SAXO1: variants seen among roughly 807,000 people sequenced by gnomAD.
SAXO1 encodes stabilizer of axonemal microtubules 1, also known as 4930500O09Rik.
Under a neutral mutation model 17.5 loss-of-function variants are expected in SAXO1, and 21 were observed. That is an observed-to-expected ratio of 1.20 (90% CI 0.85 to 1.72). SAXO1 has a LOEUF of 1.72. SAXO1 is among the 40% of genes most tolerant of loss of function. The pLI, the probability that SAXO1 is intolerant of heterozygous loss-of-function variation, is 0.00. For synonymous variants in SAXO1, 274 were observed against 216.5 expected (o/e 1.27, Z -2.33); for missense variants, 843 against 596.0 (o/e 1.41, Z -4.32).
chr9:19,003,700 G>A (rs1463187383), intron 1 of SAXO1, among the ~76,000 whole-genome samples: 1 of 152,144 alleles, frequency 6.6e-6, no homozygotes, highest in Non-Finnish European at 1.5e-5. Flanking sequence ...TATGTAGAAA[G>A]CTAAAACTGG....
At chr9:19,048,533 G>C (rs1031623631) in intron 1 of SAXO1, among the ~76,000 whole-genome samples, 3 of 152,130 alleles carry the variant, frequency 2.0e-5, no homozygotes. Context: ...CTGTATGAAC[G>C]ATACTGGCGA....
chr9:19,026,982 C>T lies in SAXO1; in HGVS notation c.38+5889G>A. ...GGAGGAGATCATCCAGCGCACATGG[C>T]TTCTGGACAGTGAGATCAAGATCAT... On this transcript the variant is annotated intron_variant, in intron 1 of 3. Transcript: ENST00000380534. 3 of 908,826 alleles carry T rather than the reference C, an allele frequency of 3.3e-6. No individual in the cohort carries two copies. The South Asian group carries it at 3.9e-5, about 12-fold the overall frequency. The allele number at this position is 908,826 out of a possible 1,614,324, so 56.3% of individuals were successfully genotyped here. A position where few individuals can be genotyped will look rare whatever the true frequency, so the allele number is the denominator to read the frequency against.
At chr9:18,957,571 G>A (rs1426118728) in intron 1 of SAXO1, among the ~76,000 whole-genome samples, 2 of 152,176 alleles carry the variant, frequency 1.3e-5, no homozygotes, top group Admixed American at 1.3e-4. Context: ...CACAGCTGCT[G>A]TTCAAGGGAG....
intron 1 of SAXO1, among the ~76,000 whole-genome samples, chr9:19,021,238 T>G (rs1364273005): frequency 6.6e-6 from 1 of 152,016 alleles, no homozygotes; most frequent in Admixed American, 6.5e-5. Context: ...TTCTCTGAAA[T>G]GAGAAGTGGT....
At chr9:19,011,885 C>T (rs1352236352) in intron 1 of SAXO1, among the ~76,000 whole-genome samples, 2 of 133,968 alleles carry the variant, frequency 1.5e-5, no homozygotes, top group African/African-American at 2.7e-5. Flanking sequence ...CTCATTCTGT[C>T]GCCAGGCTAG....
chr9:18,961,808 G>A lies in SAXO1; in HGVS notation c.39-10871C>T, dbSNP rs577745889. ...TGCTTCAATAAACATACGTGTGCATGTGTCTTTATAGTAGAATGATGTACC... is the reference window on the plus strand; with the variant it reads ...TGCTTCAATAAACATACGTGTGCATATGTCTTTATAGTAGAATGATGTACC... On this transcript the variant is annotated intron_variant, in intron 1 of 3. Transcript: ENST00000380534. Among the ~76,000 whole-genome samples the A allele has an allele frequency of 6.6e-4, 100 of 152,264 alleles. 1 individual carries two copies. The South Asian group carries it at 0.014, about 21-fold the overall frequency.
intron 1 of SAXO1, among the ~76,000 whole-genome samples, chr9:19,008,049 C>G (rs1246043846): frequency 6.6e-6 from 1 of 151,672 alleles, no homozygotes; most frequent in Non-Finnish European, 1.5e-5. Context: ...CTCACTGTAG[C>G]ATTGACCTCC....
intron 3 of SAXO1, among the ~76,000 whole-genome samples, chr9:18,935,642 G>A (rs937694508): frequency 1.3e-5 from 2 of 152,110 alleles, no homozygotes; most frequent in African/African-American, 4.8e-5. Context: ...GAATACATAT[G>A]AGCTTATCAA....
At chr9:19,017,910 G>C (rs577347546) in intron 1 of SAXO1, among the ~76,000 whole-genome samples, 34 of 152,340 alleles carry the variant, frequency 2.2e-4, no homozygotes, top group South Asian at 1.7e-3. Flanking sequence ...GCTCACGCTT[G>C]TAATCCCAAC....
At chr9:18,944,617 G>T (rs193070014) in intron 2 of SAXO1, among the ~76,000 whole-genome samples, 142 of 152,326 alleles carry the variant, frequency 9.3e-4, no homozygotes, top group Admixed American at 1.8e-3. Context: ...AGCTATAAAA[G>T]TTATAGAGTA....
At position 19,028,047 on chromosome 9, in the gene SAXO1, T is replaced by C; in HGVS notation, c.38+4824A>G. The C allele has an allele frequency of 3.7e-6, 6 of 1,605,242 alleles. No homozygotes were observed. In the South Asian group the frequency reaches 6.7e-5, roughly 18 times the overall value. On this transcript the variant is annotated intron_variant, in intron 1 of 3. Coordinates refer to ENST00000380534, the MANE Select transcript of SAXO1 (RefSeq NM_153707.4). The stretch of plus-strand genomic sequence containing the variant: ...CGGGTATGATCGCACTGCGCAGGGG[T>C]GCCACGGAGCTCACCCACGAGGACT...
intron 1 of SAXO1, among the ~76,000 whole-genome samples, chr9:19,003,356 C>T (rs1325045511): frequency 2.0e-5 from 3 of 152,182 alleles, no homozygotes; most frequent in Non-Finnish European, 4.4e-5. Flanking sequence ...CCCCATCAAG[C>T]TACCATTGAC....
chr9:18,949,473 T>G (rs918916906), intron 2 of SAXO1, among the ~76,000 whole-genome samples: 1 of 152,032 alleles, frequency 6.6e-6, no homozygotes, highest in Non-Finnish European at 1.5e-5. Flanking sequence ...AAAATTTTTT[T>G]TAAGTGGCCT....
intron 1 of SAXO1, among the ~76,000 whole-genome samples, chr9:19,031,405 T>TA (rs1485182729): frequency 6.6e-6 from 1 of 151,996 alleles, no homozygotes; most frequent in Non-Finnish European, 1.5e-5. Context: ...CTACTAAAAA[T>TA]ACAAAAATTA....
At chr9:18,947,732 G>C (rs950317086) in intron 2 of SAXO1, 3 of 152,190 alleles carry the variant, frequency 2.0e-5, no homozygotes, top group African/African-American at 7.2e-5. Flanking sequence ...TTCTACACCA[G>C]AGAATTACCA....
upstream of SAXO1, among the ~76,000 whole-genome samples, chr9:19,033,558 G>A (rs900531046): frequency 3.3e-5 from 5 of 152,332 alleles, 1 homozygote; most frequent in Admixed American, 1.3e-4. Context: ...GCCTTGAACA[G>A]GGTTTCCAGA....
rs940371991 is a variant in SAXO1, at chr9:18,927,781, C to A, written c.*271G>T. The A allele has an allele frequency of 5.5e-6, 2 of 361,020 alleles. No homozygotes were observed. Among genetic ancestry groups the A allele is most frequent in the Non-Finnish European group, 5.0e-6 (1 of 201,448 alleles). The allele number at this position is 361,020 out of a possible 1,614,324, so 22.4% of individuals were successfully genotyped here. A position where few individuals can be genotyped will look rare whatever the true frequency, so the allele number is the denominator to read the frequency against. On this transcript the variant is annotated 3_prime_UTR_variant, in exon 4 of 4. Coordinates refer to ENST00000380534, the MANE Select transcript of SAXO1 (RefSeq NM_153707.4). ...CTGGATCAGAGAAACCCTCACAGAC[C>A]AACTTTGATTCCATAAGCACAAAGT...
intron 2 of SAXO1, among the ~76,000 whole-genome samples, chr9:18,949,869 T>G (rs1258156926): frequency 1.3e-5 from 2 of 152,166 alleles, no homozygotes; most frequent in East Asian, 1.9e-4. Context: ...CAGTCAACAT[T>G]CACCATCATC....
chr9:19,000,315 C>T (rs7045351), intron 1 of SAXO1, among the ~76,000 whole-genome samples: 36,823 of 147,416 alleles, frequency 0.25, 4,743 homozygotes, highest in African/African-American at 0.37. Flanking sequence ...AAGTGAGGAG[C>T]GCCTCTGCCC....
Sources: gnomAD v4.1 joint callset for allele counts (sites outside exome capture counted in the v4.1 genomes callset) on GRCh38, gnomAD v4.1.1 for gene constraint, MANE v1.5 for transcripts, NCBI Gene and HGNC (gene_info 2026-07-23, HGNC 2026-07-21) for gene names.